Variants in RPL10A observed in about 807,000 individuals in gnomAD.
RPL10A encodes ribosomal protein L10a.
A neutral mutation model predicts 24.6 loss-of-function variants in RPL10A; 11 were observed. That is an observed-to-expected ratio of 0.45 (90% CI 0.28 to 0.74). RPL10A has a LOEUF of 0.74. RPL10A is among the 30% of genes least tolerant of loss of function. The probability of loss-of-function intolerance (pLI) is 0.13; values close to 1 mark genes in which losing one functional copy is unlikely to be tolerated. For synonymous variants in RPL10A, 98 were observed against 108.5 expected (o/e 0.90, Z 0.60); for missense variants, 136 against 273.1 (o/e 0.50, Z 3.54).
rs759383989 is a variant in RPL10A at position 35,470,264 on chromosome 6, A to G, written c.396A>G (p.Gly132=). 6.2e-7 allele frequency: 1 copy of G among 1,610,288 alleles called. No homozygotes were observed. The highest frequency in any genetic ancestry group is 1.1e-5 in the South Asian group (1 of 91,076). The change falls in exon 5 of 6, where the codon GGA becomes GGG. Residue 132 remains glycine, a synonymous_variant. Transcript: ENST00000322203. This position sits in a 1 kb window ranked among gnomAD's most constrained non-coding sequence, Gnocchi z 4.6. ...TCGGCCCAGGTTTAAATAAGGCAGG[A>G]AAGTTCCCTTCCCTGCTCACACACA... ...RILGPGLNKA[G]KFPSLLTHNE...
intron 1 of RPL10A, 95 bp downstream of exon 1, chr6:35,468,534 C>T (rs2150907167): frequency 2.5e-6 from 4 of 1,608,482 alleles, no homozygotes; most frequent in Non-Finnish European, 2.5e-6. Flanking sequence ...CGGACCCTTG[C>T]GCCACCTGCG....
chr6:35,468,730 G>C (rs1767922861), intron 1 of RPL10A, 69 bp from the exon 2 acceptor site: 2 of 1,548,246 alleles, frequency 1.3e-6, no homozygotes, highest in Non-Finnish European at 8.7e-7. Context: ...CCTAGACCTC[G>C]GAGGCTTCCA....
In RPL10A at chr6:35,470,483, G is replaced by A. The variant is rs1768010466; in HGVS notation, c.484-97G>A. On this transcript the variant is annotated intron_variant, in intron 5 of 5. Coordinates refer to ENST00000322203, the MANE Select transcript of RPL10A (RefSeq NM_007104.5). The surrounding 1 kb of genome is among the most constrained non-coding windows in gnomAD (Gnocchi z 4.6). ...TGGAGTAACCCTGGTCTTGGCCCGGGTCCAAGTACCTGCTCACCAGGCCAC... is the reference window on the plus strand; with the variant it reads ...TGGAGTAACCCTGGTCTTGGCCCGGATCCAAGTACCTGCTCACCAGGCCAC... 6.7e-7 allele frequency: 1 copy of A among 1,497,644 alleles called. No homozygotes were observed. The highest frequency in any genetic ancestry group is 2.3e-5 in the East Asian group (1 of 44,066). 92.8% of individuals were successfully genotyped at this position (1,497,644 alleles called of 1,614,324 possible).
In RPL10A at chr6:35,468,459, C is replaced by T. The variant is rs370974423; in HGVS notation, c.5+20C>T. The T allele has an allele frequency of 5.8e-5, 93 of 1,614,010 alleles. 1 individual carries two copies. The South Asian group carries it at 6.7e-4, about 12-fold the overall frequency. The stretch of plus-strand genomic sequence containing the variant: ...CATGAGGTGAGTTGGTCCTGAAAGC[C>T]CTATCCGCGTTCATCCGCGCCTTCA... On this transcript the variant is annotated intron_variant, in intron 1 of 5. Coordinates refer to ENST00000322203, the MANE Select transcript of RPL10A (RefSeq NM_007104.5).
In RPL10A at chr6:35,469,419, T is replaced by C. The variant is rs377024910; in HGVS notation, c.200T>C (p.Val67Ala). The C allele has an allele frequency of 3.1e-6, 5 of 1,612,504 alleles. No individual in the cohort carries two copies. The African/African-American group carries it at 6.7e-5, about 22-fold the overall frequency. Residue 67 changes from valine to alanine, a missense_variant, in exon 4 of 6, where the codon GTC becomes GCC. Val to Ala is a moderately conservative substitution (Grantham distance 64, BLOSUM62 0). Coordinates refer to ENST00000322203, the MANE Select transcript of RPL10A (RefSeq NM_007104.5). Reference protein sequence around the residue: ...STPRPKFSVCVLGDQQHCDEA... With the variant: ...STPRPKFSVCALGDQQHCDEA... Reference sequence around the variant, plus strand: ...CCCCGCCCTAAGTTCTCTGTGTGTGTCCTGGGGGACCAGCAGCACTGTGAC... The same window carrying C: ...CCCCGCCCTAAGTTCTCTGTGTGTGCCCTGGGGGACCAGCAGCACTGTGAC...
At chr6:35,469,082 C>T (rs184125848) in intron 3 of RPL10A, 55 bp downstream of exon 3, 741 of 1,600,686 alleles carry the variant, frequency 4.6e-4, no homozygotes, top group African/African-American at 2.7e-3. Flanking sequence ...TTGCCCCTCC[C>T]CTGCAGGCTC....
At position 35,470,669 on chromosome 6, in the gene RPL10A, G is replaced by A; in HGVS notation, c.573G>A (p.Val191=). ...TTCACCTGGCTGTCAACTTCTTGGT[G>A]TCATTGCTCAAGAAAAACTGGCAGA... ...YNIHLAVNFL[V]SLLKKNWQNV... The change falls in exon 6 of 6, where the codon GTG becomes GTA. Residue 191 remains valine (V), a synonymous_variant. Coordinates refer to ENST00000322203, the MANE Select transcript of RPL10A (RefSeq NM_007104.5). This position sits in a 1 kb window ranked among gnomAD's most constrained non-coding sequence, Gnocchi z 4.6. The A allele has an allele frequency of 6.2e-7, 1 of 1,612,782 alleles. No individual in the cohort carries two copies. The highest frequency in any genetic ancestry group is 8.5e-7 in the Non-Finnish European group (1 of 1,179,976).
chr6:35,469,166 G>T, intron 3 of RPL10A, 139 bp downstream of exon 3: 1 of 1,474,474 alleles, frequency 6.8e-7, no homozygotes, highest in South Asian at 1.4e-5. Flanking sequence ...GGGCAGGCGC[G>T]GCTGGACGGA....
Position 35,470,440 on chromosome 6 carries a change from C to A in RPL10A, c.483+89C>A. Reference sequence around the variant, plus strand: ...CTCTAAATATGCCAGTAAGAGCACCCACCAGGATTGAAACTTTTGGAGTAA... The same window carrying A: ...CTCTAAATATGCCAGTAAGAGCACCAACCAGGATTGAAACTTTTGGAGTAA... On this transcript the variant is annotated intron_variant, in intron 5 of 5. Coordinates refer to ENST00000322203, the MANE Select transcript of RPL10A (RefSeq NM_007104.5). The surrounding 1 kb of genome is among the most constrained non-coding windows in gnomAD (Gnocchi z 4.6). The A allele has an allele frequency of 6.6e-7, 1 of 1,514,214 alleles. No individual in the cohort carries two copies. The highest frequency in any genetic ancestry group is 9.0e-7 in the Non-Finnish European group (1 of 1,116,618). 93.8% of individuals were successfully genotyped at this position (1,514,214 alleles called of 1,614,324 possible).
Position 35,468,792 on chromosome 6 carries a change from C to A in RPL10A, c.6-7C>A, listed in dbSNP as rs769874453. ...GCCCTGAGCGCCCTGTCGCTTCTCTCCCGCAGCAGCAAAGTCTCTCGCGAC... is the reference window on the plus strand; with the variant it reads ...GCCCTGAGCGCCCTGTCGCTTCTCTACCGCAGCAGCAAAGTCTCTCGCGAC... On this transcript the variant is annotated splice_region_variant and splice_polypyrimidine_tract_variant and intron_variant, in intron 1 of 5. Coordinates refer to ENST00000322203, the MANE Select transcript of RPL10A (RefSeq NM_007104.5). 1.9e-5 allele frequency: 30 copies of A among 1,590,048 alleles called. No individual in the cohort carries two copies. Among genetic ancestry groups the A allele is most frequent in the Non-Finnish European group, 2.4e-5 (28 of 1,168,520 alleles).
chr6:35,470,741 C>G lies in RPL10A; in HGVS notation c.645C>G (p.Arg215=). 6.2e-7 allele frequency: 1 copy of G among 1,602,124 alleles called. No homozygotes were observed. Among genetic ancestry groups the G allele is most frequent in the Non-Finnish European group, 8.5e-7 (1 of 1,179,922 alleles). ...YIKSTMGKPQ[R]LY Reference sequence around the variant, plus strand: ...AGAGCACCATGGGCAAGCCCCAGCGCCTATATTAAGGCACATTTGAATAAA... The same window carrying G: ...AGAGCACCATGGGCAAGCCCCAGCGGCTATATTAAGGCACATTTGAATAAA... The change falls in exon 6 of 6, where the codon CGC becomes CGG. Residue 215 remains arginine, a synonymous_variant. Coordinates refer to ENST00000322203, the MANE Select transcript of RPL10A (RefSeq NM_007104.5). This position sits in a 1 kb window ranked among gnomAD's most constrained non-coding sequence, Gnocchi z 4.6.
chr6:35,469,083 C>T, intron 3 of RPL10A, 56 bp downstream of exon 3: 4 of 1,600,556 alleles, frequency 2.5e-6, no homozygotes, highest in South Asian at 2.2e-5. Flanking sequence ...TGCCCCTCCC[C>T]TGCAGGCTCC....
In RPL10A at chr6:35,469,866, A is replaced by G. The variant is rs1053865422; in HGVS notation, c.311-313A>G. ...AGACATTCCCAGTTGTCACGTGTCC[A>G]GGGTCCACAGCTAAGAAATAGGCAG... is the stretch of plus-strand genomic sequence containing the variant. On this transcript the variant is annotated intron_variant, in intron 4 of 5. Transcript: ENST00000322203. Among the ~76,000 whole-genome samples the G allele has an allele frequency of 2.0e-5, 3 of 152,302 alleles. No individual in the cohort carries two copies. The East Asian group carries it at 5.8e-4, about 29-fold the overall frequency.
intron 4 of RPL10A, among the ~76,000 whole-genome samples, 196 bp downstream of exon 4, chr6:35,469,725 TGAGG>T (rs1188387867): frequency 1.3e-5 from 2 of 152,084 alleles, no homozygotes; most frequent in Non-Finnish European, 2.9e-5. Flanking sequence ...TTCCAGTTGA[TGAGG>T]GAGGCCAGGC....
In RPL10A at chr6:35,470,558, A is replaced by G. The variant is rs199597967; in HGVS notation, c.484-22A>G. 1 of 1,608,634 alleles carries G rather than the reference A, an allele frequency of 6.2e-7. No individual in the cohort carries two copies. Among genetic ancestry groups the G allele is most frequent in the Admixed American group, 1.7e-5 (1 of 59,880 alleles). Reference sequence around the variant, plus strand: ...GCTATTCGTCCACCAACCTGACTTGATCCTCTCTTCCCTCCTCCCAGGTGT... The same window carrying G: ...GCTATTCGTCCACCAACCTGACTTGGTCCTCTCTTCCCTCCTCCCAGGTGT... On this transcript the variant is annotated intron_variant, in intron 5 of 5. Coordinates refer to ENST00000322203, the MANE Select transcript of RPL10A (RefSeq NM_007104.5). This position sits in a 1 kb window ranked among gnomAD's most constrained non-coding sequence, Gnocchi z 4.6.
At chr6:35,468,526 G>A in intron 1 of RPL10A, 87 bp downstream of exon 1, 2 of 1,610,542 alleles carry the variant, frequency 1.2e-6, no homozygotes, top group Non-Finnish European at 8.5e-7. Context: ...CCGCGCCGCG[G>A]ACCCTTGCGC....
Position 35,469,408 on chromosome 6 carries a change from C to T in RPL10A, c.189C>T (p.Phe63=). The T allele has an allele frequency of 6.2e-7, 1 of 1,611,630 alleles. No homozygotes were observed. The highest frequency in any genetic ancestry group is 8.5e-7 in the Non-Finnish European group (1 of 1,179,594). The change falls in exon 4 of 6, where the codon TTC becomes TTT. Residue 63 remains phenylalanine (F), a synonymous_variant. Transcript: ENST00000322203. The stretch of plus-strand genomic sequence containing the variant: ...TTAAGTCCACTCCCCGCCCTAAGTT[C>T]TCTGTGTGTGTCCTGGGGGACCAGC... The part of the protein sequence containing the change: ...VRLKSTPRPK[F]SVCVLGDQQH...
Position 35,468,829 on chromosome 6 carries a change from G to A in RPL10A, c.36G>A (p.Glu12=). 1.9e-6 allele frequency: 3 copies of A among 1,610,350 alleles called. No homozygotes were observed. Among genetic ancestry groups the A allele is most frequent in the Non-Finnish European group, 1.7e-6 (2 of 1,178,524 alleles). ...AAGTCTCTCGCGACACCCTGTACGA[G>A]GCGGTGCGGGAAGTCCTGCACGGGA... The part of the protein sequence containing the change: ...SSKVSRDTLY[E]AVREVLHGNQ... The change falls in exon 2 of 6, where the codon GAG becomes GAA. Residue 12 remains glutamate, a synonymous_variant. Transcript: ENST00000322203.
In RPL10A at chr6:35,470,540, G is replaced by A. The variant is rs139957434; in HGVS notation, c.484-40G>A. On this transcript the variant is annotated intron_variant, in intron 5 of 5. Coordinates refer to ENST00000322203, the MANE Select transcript of RPL10A (RefSeq NM_007104.5). The surrounding 1 kb of genome is among the most constrained non-coding windows in gnomAD (Gnocchi z 4.6). ...AGGAAGGACAGGCCATCTGCTATTC[G>A]TCCACCAACCTGACTTGATCCTCTC... 1.9e-4 allele frequency: 302 copies of A among 1,592,286 alleles called. No homozygotes were observed. In the Middle Eastern group the frequency reaches 3.3e-3, roughly 18 times the overall value.
Sources: allele counts gnomAD v4.1 joint callset (sites outside exome capture counted in the v4.1 genomes callset), GRCh38; gene constraint gnomAD v4.1.1; non-coding constraint Gnocchi (gnomAD v3.1); transcripts MANE v1.5; gene names NCBI Gene and HGNC (gene_info 2026-07-23, HGNC 2026-07-21).